Variants in ABLIM1 observed in about 807,000 individuals in gnomAD.
ABLIM1 encodes the protein actin binding LIM protein 1.
ABLIM1 carries 40 observed loss-of-function variants against 107.0 expected under a neutral mutation model. That is an observed-to-expected ratio of 0.37 (90% confidence interval 0.29 to 0.49). ABLIM1 has a LOEUF of 0.49. Ranked by LOEUF, ABLIM1 falls within the 20% of genes least tolerant of loss-of-function variation. The probability of loss-of-function intolerance (pLI) is 0.97; values close to 1 mark genes in which losing one functional copy is unlikely to be tolerated. For missense variants in ABLIM1, 857 were observed against 1,008.5 expected, an observed-to-expected ratio of 0.85 and a Z score of 2.04; for synonymous variants, 357 against 357.3, an observed-to-expected ratio of 1.00 and a Z score of 0.01.
At chr10:114,732,622 T>C (rs2082099521) in intron 1 of ABLIM1, among the ~76,000 whole-genome samples, 1 of 152,174 alleles carries the variant, frequency 6.6e-6, no homozygotes, top group Non-Finnish European at 1.5e-5. Context: ...TGCTAAGAAA[T>C]CGTTGCCTAG....
intron 1 of ABLIM1, among the ~76,000 whole-genome samples, chr10:114,641,941 G>A (rs902757775): frequency 7.3e-5 from 11 of 151,660 alleles, no homozygotes; most frequent in Admixed American, 3.9e-4. Flanking sequence ...AGAGTGCAGT[G>A]GCATGATCAT....
chr10:114,535,116 A>C (rs1339098602), intron 6 of ABLIM1, among the ~76,000 whole-genome samples: 1 of 152,232 alleles, frequency 6.6e-6, no homozygotes, highest in African/African-American at 2.4e-5. Context: ...CTTCTCCAGT[A>C]AAGTGTTGCA....
At chr10:114,511,628 G>A (rs1394350371) in intron 6 of ABLIM1, among the ~76,000 whole-genome samples, 1 of 152,024 alleles carries the variant, frequency 6.6e-6, no homozygotes, top group Non-Finnish European at 1.5e-5. Context: ...GCCTCCCTAA[G>A]TGCTGGGATT....
At chr10:114,493,862 A>C (rs1473063291) in intron 6 of ABLIM1, among the ~76,000 whole-genome samples, 1 of 152,238 alleles carries the variant, frequency 6.6e-6, no homozygotes, top group Admixed American at 6.5e-5. Context: ...ACCCAGTCTA[A>C]ATACCCACAG....
chr10:114,697,885 T>C (rs1392340519), intron 1 of ABLIM1, among the ~76,000 whole-genome samples: 2 of 152,214 alleles, frequency 1.3e-5, no homozygotes, highest in Non-Finnish European at 2.9e-5. Flanking sequence ...TGCTTTAAAG[T>C]AATGATTTTA....
intron 12 of ABLIM1, chr10:114,463,266 A>T (rs1305161258): frequency 2.6e-6 from 3 of 1,136,894 alleles, no homozygotes; most frequent in Non-Finnish European, 3.4e-6. Context: ...AGGGAAAACA[A>T]AATAAAGAAC....
chr10:114,571,970 C>T (rs1303292678), intron 3 of ABLIM1, among the ~76,000 whole-genome samples: 1 of 152,214 alleles, frequency 6.6e-6, no homozygotes, highest in Non-Finnish European at 1.5e-5. Context: ...AGAAATGGGA[C>T]AGGCTGTAAA....
intron 19 of ABLIM1, 111 bp from the exon 20 acceptor site, chr10:114,440,200 A>G (rs954418673): frequency 1.6e-5 from 18 of 1,158,846 alleles, no homozygotes; most frequent in African/African-American, 4.6e-5. Context: ...CCTATAAACC[A>G]TGTTCTTTTT....
chr10:114,720,120 G>A (rs1401423002), intron 1 of ABLIM1, among the ~76,000 whole-genome samples: 1 of 152,068 alleles, frequency 6.6e-6, no homozygotes, highest in Non-Finnish European at 1.5e-5. Context: ...GAAAACATGC[G>A]GTATTTGGTT....
chr10:114,451,067 CACAGAGA>C (rs1361403738), intron 14 of ABLIM1, among the ~76,000 whole-genome samples: 1 of 152,102 alleles, frequency 6.6e-6, no homozygotes, highest in Non-Finnish European at 1.5e-5. Context: ...AAAACTGAAG[CACAGAGA>C]AATGACGTCA....
At chr10:114,444,701 A>C (rs544383710) in intron 16 of ABLIM1, among the ~76,000 whole-genome samples, 55 of 152,282 alleles carry the variant, frequency 3.6e-4, no homozygotes, top group African/African-American at 1.3e-3. Context: ...CCTTTGACTA[A>C]TATCACGTGC....
chr10:114,447,428 G>A (rs1402350097), intron 15 of ABLIM1, among the ~76,000 whole-genome samples: 2 of 152,222 alleles, frequency 1.3e-5, no homozygotes, highest in African/African-American at 4.8e-5. Flanking sequence ...AAGATTGGTT[G>A]TTAAGAATTA....
chr10:114,628,137 A>G (rs942052139), intron 1 of ABLIM1, among the ~76,000 whole-genome samples: 1 of 151,638 alleles, frequency 6.6e-6, no homozygotes, highest in Admixed American at 6.6e-5. Context: ...AAAAAAAAAG[A>G]CAAATTGTTC....
chr10:114,615,784 A>C (rs2077092976), intron 1 of ABLIM1, among the ~76,000 whole-genome samples: 2 of 152,150 alleles, frequency 1.3e-5, no homozygotes, highest in African/African-American at 4.8e-5. Context: ...CGATGACAAA[A>C]AATAAAAGAC....
At chr10:114,602,499 C>T (rs2076094006) in intron 1 of ABLIM1, among the ~76,000 whole-genome samples, 1 of 152,188 alleles carries the variant, frequency 6.6e-6, no homozygotes, top group Non-Finnish European at 1.5e-5. Flanking sequence ...ATTAGCAGTG[C>T]TGAACAGTTT....
chr10:114,714,039 A>C (rs1371847620), intron 1 of ABLIM1, among the ~76,000 whole-genome samples: 1 of 152,200 alleles, frequency 6.6e-6, no homozygotes, highest in African/African-American at 2.4e-5. Context: ...CCTAGAGAGA[A>C]ACAGCCATGA....
At chr10:114,741,012 G>A (rs896217918) in intron 1 of ABLIM1, among the ~76,000 whole-genome samples, 2 of 150,120 alleles carry the variant, frequency 1.3e-5, no homozygotes, top group South Asian at 2.1e-4. Context: ...CAACCTGGGT[G>A]ACACAGCGAG....
At chr10:114,454,499 C>T (rs1281355210) in intron 12 of ABLIM1, among the ~76,000 whole-genome samples, 1 of 152,024 alleles carries the variant, frequency 6.6e-6, no homozygotes, top group Non-Finnish European at 1.5e-5. Context: ...AGGGTGCAGA[C>T]TGGAGGAGCA....
intron 6 of ABLIM1, among the ~76,000 whole-genome samples, chr10:114,522,390 C>T (rs1284554537): frequency 6.6e-6 from 1 of 152,136 alleles, no homozygotes; most frequent in Non-Finnish European, 1.5e-5. Flanking sequence ...CATTTGGCAT[C>T]CTAAACAAGT....
Sources: allele counts gnomAD v4.1 joint callset (sites outside exome capture counted in the v4.1 genomes callset), GRCh38; gene constraint gnomAD v4.1.1; transcripts MANE v1.5; gene names NCBI Gene and HGNC (gene_info 2026-07-23, HGNC 2026-07-21).